The following PTPRK variants were observed in gnomAD, a reference collection of about 807,000 sequenced individuals.
PTPRK encodes the protein protein tyrosine phosphatase receptor type K, also known as receptor-type tyrosine-protein phosphatase kappa.
Under a neutral mutation model 178.0 loss-of-function variants are expected in PTPRK, and 75 were observed. The ratio of observed to expected loss-of-function variants is 0.42; its 90% CI spans 0.35 to 0.51. The LOEUF (loss-of-function observed/expected upper bound fraction) is 0.51, where lower values mean the gene tolerates loss of function less well. Ranked by LOEUF, PTPRK falls within the 20% of genes least tolerant of loss-of-function variation. PTPRK has a pLI of 0.02. For synonymous variants in PTPRK, 637 were observed against 620.6 expected (o/e 1.03, Z -0.39); for missense variants, 1,441 against 1,797.8 (o/e 0.80, Z 3.59).
At chr6:128,414,489 GA>G (rs939466237) in intron 1 of PTPRK, among the ~76,000 whole-genome samples, 1 of 152,052 alleles carries the variant, frequency 6.6e-6, no homozygotes, top group Non-Finnish European at 1.5e-5. Context: ...ACCTCAGAGT[GA>G]AAAAAATTTA....
chr6:128,158,529 T>C (rs1331587476), intron 7 of PTPRK, among the ~76,000 whole-genome samples: 2 of 151,816 alleles, frequency 1.3e-5, no homozygotes, highest in East Asian at 1.9e-4. Flanking sequence ...ACACATTTAA[T>C]AGAGGAGGGC....
At chr6:128,451,973 T>A (rs1847851032) in intron 1 of PTPRK, among the ~76,000 whole-genome samples, 2 of 152,182 alleles carry the variant, frequency 1.3e-5, no homozygotes, top group South Asian at 4.1e-4. Flanking sequence ...ACCTACCAAA[T>A]GCCAAGCACC....
chr6:128,057,819 C>A (rs1215936763), intron 13 of PTPRK, among the ~76,000 whole-genome samples: 2 of 152,134 alleles, frequency 1.3e-5, no homozygotes, highest in African/African-American at 4.8e-5. Flanking sequence ...GAGACAGATA[C>A]ATATCTAGAT....
At chr6:128,018,010 T>C (rs1161895047) in intron 13 of PTPRK, among the ~76,000 whole-genome samples, 3 of 151,132 alleles carry the variant, frequency 2.0e-5, no homozygotes, top group Non-Finnish European at 3.0e-5. Context: ...TTAGTGTTCC[T>C]AACACCTTTC....
At chr6:128,472,034 G>A (rs1206772432) in intron 1 of PTPRK, among the ~76,000 whole-genome samples, 1 of 151,974 alleles carries the variant, frequency 6.6e-6, no homozygotes, top group Non-Finnish European at 1.5e-5. Flanking sequence ...GAAGAGGGTG[G>A]AGAATGGAAA....
chr6:128,322,889 G>GA (rs975523865), intron 2 of PTPRK, among the ~76,000 whole-genome samples: 5 of 152,094 alleles, frequency 3.3e-5, no homozygotes, highest in African/African-American at 1.2e-4. Context: ...TCAGTTCAGG[G>GA]AATGAGGACA....
At chr6:128,015,341 C>T (rs1263694351) in intron 13 of PTPRK, among the ~76,000 whole-genome samples, 1 of 151,734 alleles carries the variant, frequency 6.6e-6, no homozygotes, top group African/African-American at 2.4e-5. Flanking sequence ...AAGCTTCCCA[C>T]TAAATTCATT....
At chr6:128,471,985 A>T (rs1850733463) in intron 1 of PTPRK, among the ~76,000 whole-genome samples, 1 of 152,076 alleles carries the variant, frequency 6.6e-6, no homozygotes, top group African/African-American at 2.4e-5. Flanking sequence ...GCGGTTGCAG[A>T]AACAAAAGAG....
rs909656979 is a variant in PTPRK at position 128,195,667 on chromosome 6, A to G, written c.869-10942T>C. On this transcript the variant is annotated intron_variant, in intron 6 of 29. Transcript: ENST00000368226. The stretch of plus-strand genomic sequence containing the variant: ...AGTAAAACTAATGGAACAAGACCTC[A>G]GTCATATATAAAATTCCACTAGATA... 2.0e-5 allele frequency among the ~76,000 whole-genome samples: 3 copies of G among 152,178 alleles called. No homozygotes were observed. In the South Asian group the frequency reaches 6.2e-4, roughly 31 times the overall value.
intron 1 of PTPRK, 106 bp downstream of exon 1, chr6:128,520,153 A>C (rs1200867585): frequency 1.0e-6 from 1 of 992,020 alleles, no homozygotes; most frequent in Non-Finnish European, 1.5e-6. Context: ...CCCCGGACAG[A>C]GAGAGCTCCC....
chr6:128,409,297 C>CT (rs1340258466), intron 1 of PTPRK: 4 of 454,382 alleles, frequency 8.8e-6, no homozygotes, highest in South Asian at 4.7e-5. Flanking sequence ...AACTTACCTC[C>CT]TTTTCACTTG....
At chr6:128,254,534 T>C (rs1016005532) in intron 3 of PTPRK, among the ~76,000 whole-genome samples, 9 of 152,164 alleles carry the variant, frequency 5.9e-5, no homozygotes, top group African/African-American at 2.2e-4. Flanking sequence ...TTAAAACATA[T>C]ATTTAAAATG....
intron 1 of PTPRK, among the ~76,000 whole-genome samples, chr6:128,443,402 A>AGGAAAGAAGAGAGGAAAGG: frequency 6.6e-6 from 1 of 152,188 alleles, no homozygotes; most frequent in East Asian, 1.9e-4. Flanking sequence ...AAAATAGAGG[A>AGGAAAGAAGAGAGGAAAGG]GGAAAGAAGA....
intron 3 of PTPRK, among the ~76,000 whole-genome samples, chr6:128,292,498 T>A (rs527698737): frequency 1.1e-4 from 16 of 152,242 alleles, no homozygotes; most frequent in African/African-American, 3.4e-4. Flanking sequence ...ATTTTCCCTT[T>A]GGAAATACTG....
intron 7 of PTPRK, among the ~76,000 whole-genome samples, chr6:128,101,135 A>G (rs527425872): frequency 6.6e-6 from 1 of 152,172 alleles, no homozygotes; most frequent in South Asian, 2.1e-4. Context: ...GTAAACAAAG[A>G]AGTGTGTAAA....
intron 3 of PTPRK, among the ~76,000 whole-genome samples, chr6:128,267,341 A>G (rs1237734586): frequency 1.3e-5 from 2 of 152,062 alleles, no homozygotes; most frequent in African/African-American, 4.8e-5. Context: ...TTATTATTTC[A>G]CCAAAACCTA....
At chr6:128,210,288 T>C (rs1431211996) in intron 6 of PTPRK, among the ~76,000 whole-genome samples, 1 of 151,884 alleles carries the variant, frequency 6.6e-6, no homozygotes, top group African/African-American at 2.4e-5. Flanking sequence ...TTGAGACCAT[T>C]CTCTTGTTAT....
chr6:128,434,202 T>G (rs1272130293), intron 1 of PTPRK, among the ~76,000 whole-genome samples: 3 of 152,068 alleles, frequency 2.0e-5, no homozygotes, highest in Non-Finnish European at 4.4e-5. Context: ...TCTGGGACGA[T>G]TCACAACCTC....
intron 13 of PTPRK, among the ~76,000 whole-genome samples, chr6:128,056,433 T>G (rs552996086): frequency 6.6e-6 from 1 of 152,028 alleles, no homozygotes; most frequent in African/African-American, 2.4e-5. Context: ...GCTTTTCTTT[T>G]TTTTTTTTTG....
Sources: gnomAD v4.1 joint callset for allele counts (sites outside exome capture counted in the v4.1 genomes callset) on GRCh38, gnomAD v4.1.1 for gene constraint, MANE v1.5 for transcripts, NCBI Gene and HGNC (gene_info 2026-07-23, HGNC 2026-07-21) for gene names.